The following TNNI3K variants were observed in gnomAD, a reference collection of about 807,000 sequenced individuals.
The protein encoded by TNNI3K is TNNI3 interacting kinase, also known as serine/threonine-protein kinase TNNI3K.
Under a neutral mutation model 114.5 loss-of-function variants are expected in TNNI3K, and 140 were observed. The observed-to-expected ratio is 1.22, with a 90% confidence interval of 1.07 to 1.41. The LOEUF (loss-of-function observed/expected upper bound fraction) is 1.41. Among genes scored for constraint, TNNI3K ranks in the 40% most tolerant of loss-of-function variants. TNNI3K has a pLI of 0.00. For synonymous variants in TNNI3K, 347 were observed against 347.5 expected, an observed-to-expected ratio of 1.00 and a Z score of 0.02; for missense variants, 1,125 against 1,007.6, an observed-to-expected ratio of 1.12 and a Z score of -1.58.
At chr1:74,435,383 C>A (rs1666076567) in intron 17 of TNNI3K, among the ~76,000 whole-genome samples, 1 of 152,012 alleles carries the variant, frequency 6.6e-6, no homozygotes, top group Non-Finnish European at 1.5e-5. Flanking sequence ...CATAATCAGG[C>A]TAATTAACAT....
rs201968674 is a variant in TNNI3K, at chr1:74,249,476, G to A, written c.167G>A (p.Ser56Asn). 6 of 1,613,328 alleles carry A rather than the reference G, an allele frequency of 3.7e-6. No homozygotes were observed. The highest frequency in any genetic ancestry group is 5.1e-6 in the Non-Finnish European group (6 of 1,179,658). ...TTTTTCAGCTCTGATGAAGCCTTCA[G>A]TAAAGTCAATTTAAATTACCGCACT... ...RNIFGSDEAF[S>N]KVNLNYRTEN... The change falls in exon 3 of 25, where the codon AGT becomes AAT. Residue 56 changes from serine to asparagine, a missense_variant. Physicochemically the swap from Ser to Asn is conservative, Grantham distance 46. Transcript: ENST00000326637.
intron 7 of TNNI3K, among the ~76,000 whole-genome samples, chr1:74,340,924 A>G (rs916295738): frequency 1.3e-5 from 2 of 152,168 alleles, no homozygotes; most frequent in African/African-American, 2.4e-5. Context: ...TTAATAAAAA[A>G]AGATTCAAAG....
intron 5 of TNNI3K, among the ~76,000 whole-genome samples, chr1:74,321,580 A>C (rs1412720229): frequency 6.6e-6 from 1 of 151,846 alleles, no homozygotes; most frequent in African/African-American, 2.4e-5. Context: ...CTGAGAAGTG[A>C]TGCTAAATTT....
chr1:74,532,690 C>G (rs1436319761), intron 23 of TNNI3K, among the ~76,000 whole-genome samples: 1 of 147,700 alleles, frequency 6.8e-6, no homozygotes, highest in African/African-American at 2.5e-5. Flanking sequence ...GTGTCCAAAA[C>G]AGCATGGTAC....
At chr1:74,347,437 T>G (rs1275200453) in intron 9 of TNNI3K, among the ~76,000 whole-genome samples, 2 of 152,086 alleles carry the variant, frequency 1.3e-5, no homozygotes, top group Non-Finnish European at 2.9e-5. Context: ...TCTTTGCTAT[T>G]GTGAATAGTG....
At chr1:74,416,428 G>T in intron 17 of TNNI3K, 1 of 959,108 alleles carries the variant, frequency 1.0e-6, no homozygotes, top group Middle Eastern at 5.4e-4. Context: ...GTTAGCATGC[G>T]TGACATAGTT....
intron 17 of TNNI3K, among the ~76,000 whole-genome samples, chr1:74,398,104 G>T (rs1413828149): frequency 2.0e-5 from 3 of 152,234 alleles, no homozygotes; most frequent in Non-Finnish European, 2.9e-5. Context: ...AAACACTATA[G>T]ATGCTGTAGG....
At chr1:74,340,872 C>G (rs1235236632) in intron 7 of TNNI3K, among the ~76,000 whole-genome samples, 1 of 152,096 alleles carries the variant, frequency 6.6e-6, no homozygotes, top group Admixed American at 6.5e-5. Flanking sequence ...ATCAGAAGAA[C>G]CAACATTCTT....
chr1:74,391,221 T>C (rs1663753612), intron 17 of TNNI3K, among the ~76,000 whole-genome samples: 1 of 152,164 alleles, frequency 6.6e-6, no homozygotes, highest in Non-Finnish European at 1.5e-5. Flanking sequence ...AGATCCTGCC[T>C]TTATGGAGGT....
At chr1:74,386,021 G>A (rs1159381792) in intron 17 of TNNI3K, among the ~76,000 whole-genome samples, 1 of 152,164 alleles carries the variant, frequency 6.6e-6, no homozygotes, top group Non-Finnish European at 1.5e-5. Flanking sequence ...TTCCCATGCT[G>A]TTCGCATGAT....
At chr1:74,446,547 A>G (rs1666693333) in intron 20 of TNNI3K, among the ~76,000 whole-genome samples, 1 of 148,612 alleles carries the variant, frequency 6.7e-6, no homozygotes. Context: ...TATTTTAATT[A>G]GATCCCATTT....
At chr1:74,284,405 C>T (rs1657200393) in intron 5 of TNNI3K, among the ~76,000 whole-genome samples, 1 of 152,124 alleles carries the variant, frequency 6.6e-6, no homozygotes, top group African/African-American at 2.4e-5. Context: ...TGCGGTGACC[C>T]TTAAAGGCAC....
At chr1:74,236,431 C>G (rs1374899252) in intron 2 of TNNI3K, among the ~76,000 whole-genome samples, 2 of 151,740 alleles carry the variant, frequency 1.3e-5, no homozygotes, top group Non-Finnish European at 3.0e-5. Context: ...AATCTGCCAT[C>G]ATTAAAGTTT....
intron 21 of TNNI3K, among the ~76,000 whole-genome samples, chr1:74,478,884 A>G (rs987808356): frequency 6.6e-6 from 1 of 152,224 alleles, no homozygotes; most frequent in Non-Finnish European, 1.5e-5. Flanking sequence ...CTTAGCACAT[A>G]CAATTACTGA....
At chr1:74,336,581 A>G (rs1201018753) in intron 7 of TNNI3K, among the ~76,000 whole-genome samples, 1 of 146,622 alleles carries the variant, frequency 6.8e-6, no homozygotes, top group Non-Finnish European at 1.5e-5. Context: ...ATTCCCACCT[A>G]TGAGTGAGAA....
chr1:74,343,378 G>GT (rs1660846205), intron 9 of TNNI3K, among the ~76,000 whole-genome samples, 199 bp downstream of exon 9: 1 of 152,198 alleles, frequency 6.6e-6, no homozygotes, highest in Admixed American at 6.5e-5. Context: ...CAGTACAACA[G>GT]ATGGGGCCGG....
At chr1:74,311,813 G>A (rs1416469770) in intron 5 of TNNI3K, among the ~76,000 whole-genome samples, 1 of 151,998 alleles carries the variant, frequency 6.6e-6, no homozygotes, top group Admixed American at 6.6e-5. Context: ...TTATATAAAG[G>A]TATTTGATAA....
chr1:74,359,129 G>A (rs1324039147), intron 11 of TNNI3K, among the ~76,000 whole-genome samples: 1 of 151,934 alleles, frequency 6.6e-6, no homozygotes, highest in Non-Finnish European at 1.5e-5. Flanking sequence ...TGTAAAATTA[G>A]ATCTAAGCCA....
intron 23 of TNNI3K, among the ~76,000 whole-genome samples, chr1:74,534,783 C>T (rs1220804561): frequency 6.6e-6 from 1 of 152,078 alleles, no homozygotes; most frequent in Non-Finnish European, 1.5e-5. Flanking sequence ...TAGTGCCAGC[C>T]TTATACAACC....
Sources: gnomAD v4.1 joint callset for allele counts (sites outside exome capture counted in the v4.1 genomes callset) on GRCh38, gnomAD v4.1.1 for gene constraint, MANE v1.5 for transcripts, NCBI Gene and HGNC (gene_info 2026-07-23, HGNC 2026-07-21) for gene names.